USH2A: variants seen among roughly 807,000 people sequenced by gnomAD.
USH2A encodes the protein usherin, also known as Usher syndrome 2A (autosomal recessive, mild).
In USH2A, 443 loss-of-function variants were observed where a neutral mutation model predicts 538.9. The observed-to-expected ratio is 0.82, with a 90% CI of 0.76 to 0.89. The LOEUF (loss-of-function observed/expected upper bound fraction) is 0.89. USH2A is among the 40% of genes least tolerant of loss of function. The probability of loss-of-function intolerance (pLI) is 0.00; values close to 1 mark genes in which losing one functional copy is unlikely to be tolerated. For missense variants in USH2A, 6,633 were observed against 6,324.8 expected (o/e 1.05, Z -1.65); for synonymous variants, 2,413 against 2,273.5 (o/e 1.06, Z -1.75).
chr1:216,380,963 T>A (rs1383180102), intron 3 of USH2A, among the ~76,000 whole-genome samples: 5 of 152,208 alleles, frequency 3.3e-5, no homozygotes, highest in Admixed American at 3.3e-4. Flanking sequence ...GAATAAAGTA[T>A]CTGCCTTTCA....
At chr1:215,733,431 G>A (rs750855065) in intron 60 of USH2A, among the ~76,000 whole-genome samples, 12 of 152,000 alleles carry the variant, frequency 7.9e-5, no homozygotes, top group South Asian at 2.1e-4. Context: ...TCCACCACTG[G>A]CCTCCCAAAT....
chr1:216,198,596 A>G lies in USH2A; in HGVS notation c.3812-12T>C. On this transcript the variant is annotated splice_polypyrimidine_tract_variant and intron_variant, in intron 17 of 71. Coordinates refer to ENST00000307340, the MANE Select transcript of USH2A (RefSeq NM_206933.4). The stretch of plus-strand genomic sequence containing the variant: ...TCTTATAATTATTCCTAGAGAAATT[A>G]AATAGTGAACCTACGTAACTCATCA... 1 of 1,609,298 alleles carries G rather than the reference A, an allele frequency of 6.2e-7. No homozygotes were observed.
intron 32 of USH2A, among the ~76,000 whole-genome samples, chr1:216,005,012 G>C (rs1367042924): frequency 6.6e-6 from 1 of 152,144 alleles, no homozygotes; most frequent in Non-Finnish European, 1.5e-5. Flanking sequence ...GTGATCTTTT[G>C]ATTCTTCAGA....
At chr1:215,694,764 T>C (rs188841015) in intron 61 of USH2A, among the ~76,000 whole-genome samples, 1 of 152,208 alleles carries the variant, frequency 6.6e-6, no homozygotes, top group Non-Finnish European at 1.5e-5. Flanking sequence ...ACATTGAGGG[T>C]TAGGATTTCA....
At chr1:215,927,951 A>G (rs1014281834) in intron 38 of USH2A, among the ~76,000 whole-genome samples, 6 of 152,142 alleles carry the variant, frequency 3.9e-5, no homozygotes, top group Non-Finnish European at 8.8e-5. Flanking sequence ...GTTGAATTTA[A>G]TTCTGGAAAA....
intron 41 of USH2A, among the ~76,000 whole-genome samples, chr1:215,884,946 T>G (rs1045195664): frequency 1.3e-5 from 2 of 152,200 alleles, no homozygotes; most frequent in Non-Finnish European, 2.9e-5. Flanking sequence ...TATTTTATTC[T>G]GCTTCACCTG....
rs1280150800 is a variant in USH2A, at chr1:215,836,560, TATA to T, written c.9371+1428_9371+1430del. Among the ~76,000 whole-genome samples the T allele has an allele frequency of 3.9e-3, 88 of 22,446 alleles. 9 individuals carry two copies. The East Asian group carries it at 0.13, about 33-fold the overall frequency. 14.7% of individuals were successfully genotyped at this position (22,446 alleles called of 152,430 possible). ...TATATATAATATATATATATATATA[TATA>T]TATTTTTTTTTGAGACAGAGTATCA... On this transcript the variant is annotated intron_variant, in intron 47 of 71. Coordinates refer to ENST00000307340, the MANE Select transcript of USH2A (RefSeq NM_206933.4).
rs74141590 is a variant in USH2A at position 216,409,056 on chromosome 1, T to C, written c.651+9458A>G. Among the ~76,000 whole-genome samples, 713 of 152,314 alleles carry C rather than the reference T, an allele frequency of 4.7e-3. 6 individuals are homozygous for C. The highest frequency in any genetic ancestry group is 0.016 in the African/African-American group (685 of 41,586). On this transcript the variant is annotated intron_variant, in intron 3 of 71. Transcript: ENST00000307340. The stretch of plus-strand genomic sequence containing the variant: ...AAAGCCAAGGGTAATGGAGTACTAC[T>C]GTATACTAATGGCTACACAGTTTAA...
chr1:215,875,971 T>C (rs1664757162), intron 43 of USH2A, among the ~76,000 whole-genome samples: 1 of 147,316 alleles, frequency 6.8e-6, no homozygotes, highest in Non-Finnish European at 1.5e-5. Flanking sequence ...TAAAAATACA[T>C]ATTATATCAC....
chr1:215,950,959 C>T (rs4655436), intron 37 of USH2A, among the ~76,000 whole-genome samples: 59,839 of 152,024 alleles, frequency 0.39, 12,244 homozygotes, highest in East Asian at 0.67. Context: ...CTTTATTAGT[C>T]TTGCTAGTGA....
Position 215,999,069 on chromosome 1 carries a change from TA to T in USH2A, c.6486-12del. 1 of 1,604,462 alleles carries T rather than the reference TA, an allele frequency of 6.2e-7. No homozygotes were observed. The highest frequency in any genetic ancestry group is 8.5e-7 in the Non-Finnish European group (1 of 1,172,148). On this transcript the variant is annotated splice_polypyrimidine_tract_variant and intron_variant, in intron 33 of 71. Coordinates refer to ENST00000307340, the MANE Select transcript of USH2A (RefSeq NM_206933.4). ...CTTGGTTGTTTCCACCTGGGAATGG[TA>T]AAATACATTATTATCATTCATTCAA...
At chr1:216,377,884 G>A (rs1373624291) in intron 3 of USH2A, among the ~76,000 whole-genome samples, 8 of 144,198 alleles carry the variant, frequency 5.5e-5, no homozygotes, top group African/African-American at 2.1e-4. Flanking sequence ...AGAAAGAAAG[G>A]AAGGAAGGAA....
intron 43 of USH2A, among the ~76,000 whole-genome samples, chr1:215,868,848 G>A (rs1365751612): frequency 6.6e-6 from 1 of 152,200 alleles, no homozygotes; most frequent in Non-Finnish European, 1.5e-5. Context: ...AGTTGGAAGA[G>A]GCAAGAAAGG....
At position 215,888,873 on chromosome 1, in the gene USH2A, T is replaced by C. The variant is rs753565758; in HGVS notation, c.7776A>G (p.Pro2592=). ...VTNCTVMHLH[P]YTAYKFQVEA... ...CTACCTGAAACTTATAGGCAGTGTA[T>C]GGGTGTAAATGCATCACTGTGCAAT... is the stretch of plus-strand genomic sequence containing the variant. Residue 2592 remains proline (P), a synonymous_variant, in exon 41 of 72, where the codon CCA becomes CCG. Transcript: ENST00000307340. The C allele has an allele frequency of 1.8e-5, 29 of 1,614,104 alleles. No homozygotes were observed. The East Asian group carries it at 6.5e-4, about 36-fold the overall frequency.
At chr1:216,385,798 C>T (rs893856835) in intron 3 of USH2A, among the ~76,000 whole-genome samples, 1 of 152,156 alleles carries the variant, frequency 6.6e-6, no homozygotes, top group African/African-American at 2.4e-5. Context: ...CTACTCTTGG[C>T]AAACTTGACC....
intron 58 of USH2A, among the ~76,000 whole-genome samples, chr1:215,746,522 T>C (rs1297990566): frequency 6.6e-6 from 1 of 152,196 alleles, no homozygotes; most frequent in East Asian, 1.9e-4. Flanking sequence ...TCTTCTAATT[T>C]CTGCTCAAAA....
chr1:216,183,184 T>C (rs1014302825), intron 20 of USH2A, among the ~76,000 whole-genome samples: 12 of 152,154 alleles, frequency 7.9e-5, no homozygotes, highest in African/African-American at 2.6e-4. Context: ...CTTTCATTTG[T>C]TTGTTTTGCC....
intron 35 of USH2A, among the ~76,000 whole-genome samples, chr1:215,971,420 C>T (rs11803512): frequency 0.051 from 7,717 of 152,064 alleles, 267 homozygotes; most frequent in African/African-American, 0.094. Context: ...ACAGGAAGGA[C>T]ATAGACCCCC....
At chr1:215,787,472 C>G (rs924034154) in intron 51 of USH2A, among the ~76,000 whole-genome samples, 2 of 152,100 alleles carry the variant, frequency 1.3e-5, no homozygotes, top group African/African-American at 4.8e-5. Context: ...CGCTTATAAA[C>G]ATTTTCTCTG....
Sources: allele counts gnomAD v4.1 joint callset (sites outside exome capture counted in the v4.1 genomes callset), GRCh38; gene constraint gnomAD v4.1.1; transcripts MANE v1.5; gene names NCBI Gene and HGNC (gene_info 2026-07-23, HGNC 2026-07-21).